The following SZT2 variants were observed in gnomAD, a reference collection of about 807,000 sequenced individuals.
The protein encoded by SZT2 is KICSTOR complex protein SZT2.
Under a neutral mutation model 404.2 loss-of-function variants are expected in SZT2, and 216 were observed. That is an observed-to-expected ratio of 0.53 (90% confidence interval 0.48 to 0.60). SZT2 has a LOEUF of 0.60. Ranked by LOEUF, SZT2 falls within the 20% of genes least tolerant of loss-of-function variation. SZT2 has a pLI of 0.00. For synonymous variants in SZT2, 1,693 were observed against 1,749.9 expected, an observed-to-expected ratio of 0.97 and a Z score of 0.81; for missense variants, 3,857 against 4,459.2, an observed-to-expected ratio of 0.86 and a Z score of 3.85.
chr1:43,404,956 A>G (rs990204040), intron 4 of SZT2: 1 of 156,708 alleles, frequency 6.4e-6, no homozygotes, highest in Admixed American at 6.5e-5. Context: ...AAGACAGCAC[A>G]TAACCCAGAA....
At chr1:43,428,666 A>G in intron 28 of SZT2, 180 bp downstream of exon 28, 1 of 784,964 alleles carries the variant, frequency 1.3e-6, no homozygotes, top group Admixed American at 2.9e-5. Context: ...TGGCACAGGC[A>G]GCAGTCTCCC....
chr1:43,410,197 T>C (rs1650838303), intron 4 of SZT2: 1 of 152,128 alleles, frequency 6.6e-6, no homozygotes, highest in African/African-American at 2.4e-5. Context: ...AGACTGGATA[T>C]TCATATGCAG....
intron 6 of SZT2, 76 bp from the exon 7 acceptor site, chr1:43,416,459 C>G: frequency 3.2e-6 from 4 of 1,233,476 alleles, no homozygotes; most frequent in Non-Finnish European, 4.6e-6. Context: ...CGTTCAGGAC[C>G]CTGTCAGTTG....
At chr1:43,427,768 C>A (rs750893568) in intron 26 of SZT2, 34 bp downstream of exon 26, 55 of 1,604,118 alleles carry the variant, frequency 3.4e-5, no homozygotes, top group Non-Finnish European at 4.4e-5. Context: ...AAGTCCTCGC[C>A]GGGCCATGGC....
At chr1:43,414,086 A>G (rs1052028457) in intron 4 of SZT2, among the ~76,000 whole-genome samples, 2 of 152,180 alleles carry the variant, frequency 1.3e-5, no homozygotes, top group Admixed American at 6.5e-5. Flanking sequence ...GTTTGAGACC[A>G]GCCTGGCCAA....
chr1:43,415,286 G>A (rs769645704), intron 5 of SZT2, 73 bp downstream of exon 5: 13 of 1,561,650 alleles, frequency 8.3e-6, no homozygotes, highest in Non-Finnish European at 1.0e-5. Flanking sequence ...AGAGAGGAGG[G>A]ATAGTCCAAA....
intron 10 of SZT2, 91 bp downstream of exon 10, chr1:43,421,074 A>G (rs1196447408): frequency 6.9e-6 from 11 of 1,594,362 alleles, no homozygotes; most frequent in Non-Finnish European, 7.6e-6. Context: ...CATCACCCAG[A>G]GAACCAGGCT....
At chr1:43,406,260 GT>G (rs752173671) in intron 4 of SZT2, 46 of 328,318 alleles carry the variant, frequency 1.4e-4, no homozygotes, top group Admixed American at 2.1e-4. Flanking sequence ...GCTAATTTTT[GT>G]TTTTTTTGTT....
chr1:43,401,896 T>C (rs1253344734), intron 1 of SZT2, among the ~76,000 whole-genome samples: 1 of 152,164 alleles, frequency 6.6e-6, no homozygotes, highest in Non-Finnish European at 1.5e-5. Flanking sequence ...AGTACCTCTT[T>C]CTGTATCTTT....
chr1:43,427,743 C>T lies in SZT2; in HGVS notation c.3803+9C>T. On this transcript the variant is annotated intron_variant, in intron 26 of 71. Coordinates refer to ENST00000634258, the MANE Select transcript of SZT2 (RefSeq NM_001365999.1). Reference sequence around the variant, plus strand: ...CGAGACCTCATCTTCCGGTGAGTGCCTTCAGTGTTGACCTAAGTCCTCGCC... The same window carrying T: ...CGAGACCTCATCTTCCGGTGAGTGCTTTCAGTGTTGACCTAAGTCCTCGCC... 6.2e-7 allele frequency: 1 copy of T among 1,612,446 alleles called. No individual in the cohort carries two copies. The highest frequency in any genetic ancestry group is 8.5e-7 in the Non-Finnish European group (1 of 1,179,712).
intron 4 of SZT2, among the ~76,000 whole-genome samples, chr1:43,409,035 C>G (rs145426260): frequency 4.9e-4 from 75 of 152,140 alleles, no homozygotes; most frequent in African/African-American, 1.8e-3. Context: ...GATGGGGATA[C>G]TTATTTATGT....
rs1291339021 is a variant in SZT2 at position 43,453,673 on chromosome 1, A to T, written c.*3193A>T. 9 of 1,479,822 alleles carry T rather than the reference A, an allele frequency of 6.1e-6. No individual in the cohort carries two copies. In the African/African-American group the frequency reaches 1.2e-4, roughly 19 times the overall value. The allele number at this position is 1,479,822 out of a possible 1,614,324, so 91.7% of individuals were successfully genotyped here. On this transcript the variant is annotated 3_prime_UTR_variant, in exon 72 of 72. Coordinates refer to ENST00000634258, the MANE Select transcript of SZT2 (RefSeq NM_001365999.1). ...GCCAGCGCCTCAGGCGTCTCCGCGT[A>T]CGGCCAGGCCACCTCGACGGCCTCG... is the stretch of plus-strand genomic sequence containing the variant.
In SZT2 at chr1:43,439,684, G is replaced by A. The variant is rs769071428; in HGVS notation, c.6957G>A (p.Pro2319=). 6.8e-6 allele frequency: 11 copies of A among 1,612,700 alleles called. No individual in the cohort carries two copies. The highest frequency in any genetic ancestry group is 1.3e-5 in the African/African-American group (1 of 74,884). Residue 2319 remains proline (P), a synonymous_variant, in exon 50 of 72, where the codon CCG becomes CCA. Transcript: ENST00000634258. This position sits in a 1 kb window ranked among gnomAD's most constrained non-coding sequence, Gnocchi z 4.2. ...LSLALWPPSS[P]GPPDPLREEE... Reference sequence around the variant, plus strand: ...TGGCGTTGTGGCCCCCCTCCTCTCCGGGGCCCCCAGACCCACTGCGAGAGG... The same window carrying A: ...TGGCGTTGTGGCCCCCCTCCTCTCCAGGGCCCCCAGACCCACTGCGAGAGG...
rs1158101169 is a variant in SZT2, at chr1:43,453,514, C to A, written c.*3034C>A. The stretch of plus-strand genomic sequence containing the variant: ...CTTGGTCTCCTGCAGAGAGAACGGG[C>A]CTCAGCCCCCGGCTCGGACACTCCC... On this transcript the variant is annotated 3_prime_UTR_variant, in exon 72 of 72. Coordinates refer to ENST00000634258, the MANE Select transcript of SZT2 (RefSeq NM_001365999.1). 2 of 1,538,018 alleles carry A rather than the reference C, an allele frequency of 1.3e-6. No homozygotes were observed. The highest frequency in any genetic ancestry group is 1.8e-6 in the Non-Finnish European group (2 of 1,138,788).
chr1:43,421,136 G>A lies in SZT2; in HGVS notation c.1497-38G>A, dbSNP rs147516334. On this transcript the variant is annotated intron_variant, in intron 10 of 71. Transcript: ENST00000634258. ...AGGCTCCCCTCATCTGCACCCAGCA[G>A]AGTCAGATATGGCTCAGGCCTGGCC... 2,072 of 1,597,646 alleles carry A rather than the reference G, an allele frequency of 1.3e-3. 32 individuals are homozygous for A. The East Asian group carries it at 0.021, about 16-fold the overall frequency.
Position 43,447,022 on chromosome 1 carries a change from A to G in SZT2, c.9140A>G (p.Tyr3047Cys), listed in dbSNP as rs1351917736. 1 of 1,613,952 alleles carries G rather than the reference A, an allele frequency of 6.2e-7. No individual in the cohort carries two copies. The highest frequency in any genetic ancestry group is 2.2e-5 in the East Asian group (1 of 44,882). ...CTGATGCACGTGCACTCGTTCAGCT[A>G]TGACTTCCATCTGCGCCTCGTGCAT... Reference protein sequence around the residue: ...RDLMHVHSFSYDFHLRLVHQH... With the variant: ...RDLMHVHSFSCDFHLRLVHQH... The change falls in exon 66 of 72, where the codon TAT (tyrosine) becomes TGT (cysteine). Residue 3047 changes from tyrosine to cysteine, a missense_variant. Physicochemically the swap from Tyr to Cys is radical, Grantham distance 194. Coordinates refer to ENST00000634258, the MANE Select transcript of SZT2 (RefSeq NM_001365999.1).
In SZT2 at chr1:43,453,734, G is replaced by A; in HGVS notation, c.*3254G>A. Reference sequence around the variant, plus strand: ...TGCCCGCGGCCCGCACCCGCGCGGGGAGGCCGGAGAGCTCGGGGAATAGCC... The same window carrying A: ...TGCCCGCGGCCCGCACCCGCGCGGGAAGGCCGGAGAGCTCGGGGAATAGCC... On this transcript the variant is annotated 3_prime_UTR_variant, in exon 72 of 72. Coordinates refer to ENST00000634258, the MANE Select transcript of SZT2 (RefSeq NM_001365999.1). The A allele has an allele frequency of 7.2e-7, 1 of 1,387,486 alleles. No individual in the cohort carries two copies. The highest frequency in any genetic ancestry group is 9.2e-7 in the Non-Finnish European group (1 of 1,082,462). 85.9% of individuals were successfully genotyped at this position (1,387,486 alleles called of 1,614,324 possible).
chr1:43,432,236 C>A (rs1466924357), intron 36 of SZT2, 36 bp from the exon 37 acceptor site: 1 of 1,521,760 alleles, frequency 6.6e-7, no homozygotes, highest in South Asian at 1.3e-5. Context: ...GGAGGACTGC[C>A]CTGCCTAAAC....
At chr1:43,429,594 C>T (rs766865383) in intron 28 of SZT2, 109 bp from the exon 29 acceptor site, 119 of 1,397,170 alleles carry the variant, frequency 8.5e-5, no homozygotes, top group Non-Finnish European at 9.9e-5. Flanking sequence ...ACGCTAAGTA[C>T]TCTTCCTGTG....
Sources: allele counts gnomAD v4.1 joint callset (sites outside exome capture counted in the v4.1 genomes callset), GRCh38; gene constraint gnomAD v4.1.1; non-coding constraint Gnocchi (gnomAD v3.1); transcripts MANE v1.5; gene names NCBI Gene and HGNC (gene_info 2026-07-23, HGNC 2026-07-21).